The following ABCA13 variants were observed in gnomAD, a reference collection of about 807,000 sequenced individuals.
ABCA13 encodes ATP binding cassette subfamily A member 13.
In ABCA13, 476 loss-of-function variants were observed where a neutral mutation model predicts 478.7. That is an observed-to-expected ratio of 0.99 (90% confidence interval 0.92 to 1.07). ABCA13 has a LOEUF of 1.07. Among genes scored for constraint, ABCA13 ranks in the 50% least tolerant of loss-of-function variants. The pLI, the probability that ABCA13 is intolerant of heterozygous loss-of-function variation, is 0.00. For missense variants in ABCA13, 6,060 were observed against 5,910.6 expected, an observed-to-expected ratio of 1.03 and a Z score of -0.83; for synonymous variants, 2,252 against 2,158.9, an observed-to-expected ratio of 1.04 and a Z score of -1.20.
intron 52 of ABCA13, among the ~76,000 whole-genome samples, chr7:48,517,438 C>T (rs1168455244): frequency 6.6e-6 from 1 of 152,096 alleles, no homozygotes; most frequent in African/African-American, 2.4e-5. Context: ...GCCTGAGGCC[C>T]GTGGTCAGGA....
intron 15 of ABCA13, among the ~76,000 whole-genome samples, chr7:48,266,956 A>C (rs1008708885): frequency 3.3e-5 from 5 of 151,874 alleles, no homozygotes; most frequent in Non-Finnish European, 5.9e-5. Context: ...GTTATTTAGA[A>C]GTGTTATTTT....
In ABCA13 at chr7:48,274,293, A is replaced by T. The variant is rs778614166; in HGVS notation, c.4627A>T (p.Ile1543Phe). 1 of 1,613,302 alleles carries T rather than the reference A, an allele frequency of 6.2e-7. No homozygotes were observed. Among genetic ancestry groups the T allele is most frequent in the South Asian group, 1.1e-5 (1 of 90,972 alleles). The change falls in exon 17 of 62, where the codon ATT (isoleucine) becomes TTT (phenylalanine). Residue 1543 changes from isoleucine to phenylalanine, a missense_variant. Physicochemically the swap from Ile to Phe is conservative, Grantham distance 21 (BLOSUM62 0). This residue lies in a region of ABCA13 where 4,423 missense variants were observed against 4,309.1 expected (regional missense o/e 1.03). Transcript: ENST00000435803. ...TGAAATTCCTAATCAGTTTCAAAATATTTGGCTTCATTTAATAACACTGGG... is the reference window on the plus strand; with the variant it reads ...TGAAATTCCTAATCAGTTTCAAAATTTTTGGCTTCATTTAATAACACTGGG... ...SDEIPNQFQN[I>F]WLHLITLGKE...
intron 23 of ABCA13, among the ~76,000 whole-genome samples, chr7:48,303,124 C>A (rs1800391199): frequency 6.6e-6 from 1 of 152,060 alleles, no homozygotes; most frequent in Admixed American, 6.5e-5. Flanking sequence ...TTGTTGGCTG[C>A]ATGTATGTTT....
intron 41 of ABCA13, among the ~76,000 whole-genome samples, chr7:48,418,146 T>C (rs1304834103): frequency 1.3e-5 from 2 of 152,246 alleles, no homozygotes; most frequent in Admixed American, 1.3e-4. Flanking sequence ...GCTATAAATA[T>C]CTGTGTGCAG....
Position 48,273,116 on chromosome 7 carries a change from G to A in ABCA13, c.3450G>A (p.Trp1150Ter). Residue 1150 changes from tryptophan (W) to a stop codon, truncating the protein, a stop_gained, in exon 17 of 62, where the codon TGG becomes TGA. Transcript: ENST00000435803. LOFTEE classifies it high-confidence loss of function. ...KFMSIHCTVS[W>*]LQMWTEIWET... ...TGTCCATTCACTGTACCGTTTCATG[G>A]CTTCAAATGTGGACTGAAATCTGGG... 2 of 1,613,626 alleles carry A rather than the reference G, an allele frequency of 1.2e-6. No individual in the cohort carries two copies. Among genetic ancestry groups the A allele is most frequent in the Non-Finnish European group, 1.7e-6 (2 of 1,179,746 alleles).
chr7:48,626,055 C>T (rs1009231037), intron 59 of ABCA13, among the ~76,000 whole-genome samples: 16 of 152,212 alleles, frequency 1.1e-4, no homozygotes, highest in South Asian at 4.2e-4. Context: ...GACTGGTGAA[C>T]GAAATGCTGT....
intron 51 of ABCA13, among the ~76,000 whole-genome samples, chr7:48,513,548 T>C (rs926681999): frequency 3.3e-4 from 50 of 152,308 alleles, no homozygotes; most frequent in Admixed American, 2.9e-3. Flanking sequence ...GATTGCAGAA[T>C]CCTGCTTGGT....
intron 8 of ABCA13, among the ~76,000 whole-genome samples, chr7:48,237,554 A>C (rs369307329): frequency 4.4e-4 from 67 of 152,316 alleles, no homozygotes; most frequent in African/African-American, 1.5e-3. Context: ...TCACTCTCAT[A>C]ATCTGCAAAG....
At chr7:48,223,995 T>TG (rs750948504) in intron 5 of ABCA13, among the ~76,000 whole-genome samples, 1 of 135,888 alleles carries the variant, frequency 7.4e-6, no homozygotes. Context: ...AGAGAGAGAA[T>TG]GGGGGCAGGT....
chr7:48,620,914 G>T (rs751333459), intron 59 of ABCA13, among the ~76,000 whole-genome samples: 1 of 152,150 alleles, frequency 6.6e-6, no homozygotes, highest in African/African-American at 2.4e-5. Flanking sequence ...TGAGAAAGGA[G>T]TGCCCTCTTC....
intron 19 of ABCA13, among the ~76,000 whole-genome samples, chr7:48,283,251 T>A (rs1305155345): frequency 1.3e-5 from 2 of 152,098 alleles, no homozygotes; most frequent in Non-Finnish European, 2.9e-5. Context: ...GCCAGGAGTA[T>A]GGACCAGCAT....
chr7:48,274,485 A>G lies in ABCA13; in HGVS notation c.4819A>G (p.Ser1607Gly). The change falls in exon 17 of 62, where the codon AGC becomes GGC. Residue 1607 changes from serine (S) to glycine (G), a missense_variant. Physicochemically the swap from Ser to Gly is moderately conservative, Grantham distance 56. Transcript: ENST00000435803. ...TCACTTAGCTAGTTACCTTGCCTTC[A>G]GCTTATCTCATGACCTCCAAAATTC... Reference protein sequence around the residue: ...IYHLASYLAFSLSHDLQNSPK... With the variant: ...IYHLASYLAFGLSHDLQNSPK... 2 of 1,613,898 alleles carry G rather than the reference A, an allele frequency of 1.2e-6. No individual in the cohort carries two copies. The highest frequency in any genetic ancestry group is 8.5e-7 in the Non-Finnish European group (1 of 1,179,834).
At chr7:48,365,674 G>A (rs1351091246) in intron 31 of ABCA13, among the ~76,000 whole-genome samples, 1 of 152,150 alleles carries the variant, frequency 6.6e-6, no homozygotes, top group African/African-American at 2.4e-5. Flanking sequence ...TGAAGAGATA[G>A]TCCTTTTCCC....
At chr7:48,459,716 A>G (rs907750626) in intron 43 of ABCA13, among the ~76,000 whole-genome samples, 1 of 152,208 alleles carries the variant, frequency 6.6e-6, no homozygotes, top group Non-Finnish European at 1.5e-5. Context: ...ATGTCTATAA[A>G]TGATTACTTT....
rs748165386 is a variant in ABCA13, at chr7:48,312,956, A to G, written c.9517-111A>G. 2.9e-5 allele frequency: 34 copies of G among 1,181,406 alleles called. 1 individual carries two copies. Among genetic ancestry groups the G allele is most frequent in the Non-Finnish European group, 3.6e-5 (32 of 881,870 alleles). The allele number at this position is 1,181,406 out of a possible 1,614,324, so 73.2% of individuals were successfully genotyped here. On this transcript the variant is annotated intron_variant, in intron 24 of 61. Coordinates refer to ENST00000435803, the MANE Select transcript of ABCA13 (RefSeq NM_152701.5). ...TACCGCAAAGGCGTCTCTGAAGTTC[A>G]AGAGAGAATAAAATCAGATAAACAA...
At chr7:48,197,591 A>G (rs1584113720) in intron 2 of ABCA13, among the ~76,000 whole-genome samples, 3 of 151,458 alleles carry the variant, frequency 2.0e-5, no homozygotes, top group South Asian at 2.1e-4. Flanking sequence ...GCCGGTAATC[A>G]TAAGTTTCAT....
rs116432911 is a variant in ABCA13, at chr7:48,584,333, C to T, written c.14506-2821C>T. ...CACCACTGTTAGTACAGCAGGTCCC[C>T]AAATAACATTGTTTAGTTCAACATT... On this transcript the variant is annotated intron_variant, in intron 56 of 61. Transcript: ENST00000435803. Among the ~76,000 whole-genome samples the T allele has an allele frequency of 6.2e-3, 947 of 152,240 alleles. 9 individuals carry two copies. The highest frequency in any genetic ancestry group is 0.022 in the African/African-American group (896 of 41,540).
At chr7:48,586,828 G>A (rs1351099651) in intron 56 of ABCA13, among the ~76,000 whole-genome samples, 1 of 151,888 alleles carries the variant, frequency 6.6e-6, no homozygotes, top group Non-Finnish European at 1.5e-5. Flanking sequence ...TTTCTTTTTG[G>A]CATACCCTTC....
chr7:48,258,660 G>C (rs1403369284), intron 15 of ABCA13, among the ~76,000 whole-genome samples: 1 of 151,902 alleles, frequency 6.6e-6, no homozygotes, highest in Non-Finnish European at 1.5e-5. Flanking sequence ...GTGCAGAAGG[G>C]GTTGGTTTGC....
Sources: gnomAD v4.1 joint callset for allele counts (sites outside exome capture counted in the v4.1 genomes callset) on GRCh38, gnomAD v4.1.1 for gene constraint, gnomAD v4.1.1 regional missense constraint, MANE v1.5 for transcripts, NCBI Gene and HGNC (gene_info 2026-07-23, HGNC 2026-07-21) for gene names.